Variants in MIPOL1 observed in about 807,000 individuals in gnomAD.
The protein encoded by MIPOL1 is mirror-image polydactyly gene 1 protein.
In MIPOL1, 57 loss-of-function variants were observed where a neutral mutation model predicts 60.9. The observed-to-expected ratio is 0.94, with a 90% CI of 0.76 to 1.17. The LOEUF is 1.17. Among genes scored for constraint, MIPOL1 ranks in the 50% most tolerant of loss-of-function variants. The probability of loss-of-function intolerance (pLI) is 0.00; values close to 1 mark genes in which losing one functional copy is unlikely to be tolerated. For missense variants in MIPOL1, 551 were observed against 511.6 expected, an observed-to-expected ratio of 1.08 and a Z score of -0.74; for synonymous variants, 179 against 168.8, an observed-to-expected ratio of 1.06 and a Z score of -0.47.
chr14:37,544,667 T>C (rs1328590164), intron 12 of MIPOL1, among the ~76,000 whole-genome samples: 1 of 152,204 alleles, frequency 6.6e-6, no homozygotes, highest in Non-Finnish European at 1.5e-5. Context: ...AAGGAATAGG[T>C]GCTTCATTGT....
At chr14:37,357,122 C>A (rs2091901170) in intron 9 of MIPOL1, among the ~76,000 whole-genome samples, 1 of 152,054 alleles carries the variant, frequency 6.6e-6, no homozygotes, top group African/African-American at 2.4e-5. Context: ...GAGTATATAC[C>A]CAGTAGTGGG....
chr14:37,239,514 C>CTA (rs1205811644), intron 1 of MIPOL1, among the ~76,000 whole-genome samples: 3 of 151,854 alleles, frequency 2.0e-5, no homozygotes, highest in Admixed American at 6.6e-5. Context: ...TCCTAAGAAA[C>CTA]TATAATGTGG....
At chr14:37,270,641 CTT>C (rs66866056) in intron 6 of MIPOL1, 116 bp downstream of exon 6, 3,793 of 210,232 alleles carry the variant, frequency 0.018, no homozygotes, top group East Asian at 0.027. Flanking sequence ...GGAAGCTCTC[CTT>C]TTTTTTTTTT....
At chr14:37,295,078 G>A (rs2085505097) in intron 7 of MIPOL1, among the ~76,000 whole-genome samples, 1 of 152,208 alleles carries the variant, frequency 6.6e-6, no homozygotes, top group Non-Finnish European at 1.5e-5. Flanking sequence ...CCCACAAAGG[G>A]AAGCCTATCA....
intron 3 of MIPOL1, among the ~76,000 whole-genome samples, chr14:37,249,879 T>C (rs1973813364): frequency 6.6e-6 from 1 of 152,096 alleles, no homozygotes; most frequent in Non-Finnish European, 1.5e-5. Flanking sequence ...CATTCACACA[T>C]CATATTGCTG....
At chr14:37,220,062 C>A (rs1011750781) in intron 1 of MIPOL1, among the ~76,000 whole-genome samples, 1 of 151,910 alleles carries the variant, frequency 6.6e-6, no homozygotes, top group Non-Finnish European at 1.5e-5. Context: ...ACTTTGTGTG[C>A]CTTTTGTTAT....
intron 11 of MIPOL1, among the ~76,000 whole-genome samples, chr14:37,444,370 T>C (rs929994619): frequency 3.3e-5 from 5 of 152,130 alleles, no homozygotes; most frequent in Non-Finnish European, 2.9e-5. Flanking sequence ...CTGAAAACAA[T>C]TATGGAAGAC....
At chr14:37,543,288 T>A (rs527996649) in intron 12 of MIPOL1, among the ~76,000 whole-genome samples, 22 of 152,134 alleles carry the variant, frequency 1.4e-4, no homozygotes, top group Non-Finnish European at 2.6e-4. Context: ...TTTTATTATT[T>A]TTTTTTAGAC....
chr14:37,467,507 T>TA (rs1458295651), intron 11 of MIPOL1, among the ~76,000 whole-genome samples: 1 of 152,148 alleles, frequency 6.6e-6, no homozygotes, highest in Non-Finnish European at 1.5e-5. Context: ...GTGGCAATTA[T>TA]AATAAGTTGT....
chr14:37,330,298 G>A (rs2089556788), intron 9 of MIPOL1, among the ~76,000 whole-genome samples: 1 of 152,074 alleles, frequency 6.6e-6, no homozygotes, highest in East Asian at 1.9e-4. Context: ...TGAAGAGGAA[G>A]TGTTGTTAGT....
chr14:37,395,595 G>T (rs908394877), intron 10 of MIPOL1, among the ~76,000 whole-genome samples: 1 of 152,132 alleles, frequency 6.6e-6, no homozygotes, highest in African/African-American at 2.4e-5. Context: ...ACTGATTTGT[G>T]TACATTAATC....
chr14:37,282,106 C>G (rs966788477), intron 6 of MIPOL1, among the ~76,000 whole-genome samples: 3 of 151,992 alleles, frequency 2.0e-5, no homozygotes, highest in Non-Finnish European at 1.5e-5. Flanking sequence ...AAGAAGCCCT[C>G]TGTATATAAC....
chr14:37,341,284 A>C (rs1017618506), intron 9 of MIPOL1, among the ~76,000 whole-genome samples: 2 of 152,240 alleles, frequency 1.3e-5, no homozygotes, highest in Non-Finnish European at 2.9e-5. Flanking sequence ...ATATGTAGAA[A>C]ACATATCTGT....
chr14:37,445,056 G>C (rs923762104), intron 11 of MIPOL1, among the ~76,000 whole-genome samples: 4 of 152,136 alleles, frequency 2.6e-5, no homozygotes, highest in African/African-American at 9.7e-5. Context: ...ATTCATTATA[G>C]TGTTGGAAGT....
At chr14:37,448,615 T>C (rs775388639) in intron 11 of MIPOL1, among the ~76,000 whole-genome samples, 4 of 152,216 alleles carry the variant, frequency 2.6e-5, no homozygotes, top group Non-Finnish European at 4.4e-5. Flanking sequence ...GTTCACTGTA[T>C]TCCATAGCAT....
rs372293317 is a variant in MIPOL1 at position 37,524,553 on chromosome 14, A to AT, written c.1263-22347dup. ...GGTGGATGTTCTTCTTGACATCTTAATTTTTCTTTTTCTTTTCTTTTTTTT... is the reference window on the plus strand; with the variant it reads ...GGTGGATGTTCTTCTTGACATCTTAATTTTTTCTTTTTCTTTTCTTTTTTTT... On this transcript the variant is annotated intron_variant, in intron 12 of 12. Transcript: ENST00000684589. 4.1e-5 allele frequency among the ~76,000 whole-genome samples: 3 copies of AT among 72,938 alleles called. 1 individual carries two copies. The highest frequency in any genetic ancestry group is 7.3e-5 in the African/African-American group (1 of 13,728). The allele number at this position is 72,938 out of a possible 152,430, so 47.9% of individuals were successfully genotyped here.
chr14:37,475,685 T>C (rs2153593824), intron 11 of MIPOL1, among the ~76,000 whole-genome samples: 1 of 152,374 alleles, frequency 6.6e-6, no homozygotes, highest in Non-Finnish European at 1.5e-5. Context: ...AAAGAAACTA[T>C]TCTTTGTCCA....
At chr14:37,460,004 G>T (rs1390142236) in intron 11 of MIPOL1, among the ~76,000 whole-genome samples, 1 of 151,994 alleles carries the variant, frequency 6.6e-6, no homozygotes, top group African/African-American at 2.4e-5. Flanking sequence ...GCTTGAACCT[G>T]GGAGGCAGAG....
chr14:37,249,283 A>G (rs1302508122), intron 3 of MIPOL1, among the ~76,000 whole-genome samples: 2 of 152,090 alleles, frequency 1.3e-5, no homozygotes, highest in Non-Finnish European at 2.9e-5. Flanking sequence ...CCTTCCCCCA[A>G]CAGGGCTCCT....
Sources: allele counts gnomAD v4.1 joint callset (sites outside exome capture counted in the v4.1 genomes callset), GRCh38; gene constraint gnomAD v4.1.1; transcripts MANE v1.5; gene names NCBI Gene and HGNC (gene_info 2026-07-23, HGNC 2026-07-21).